Variants in ACOXL observed in about 807,000 individuals in gnomAD.
The protein encoded by ACOXL is acyl-coenzyme A oxidase-like protein.
ACOXL carries 70 observed loss-of-function variants against 71.9 expected under a neutral mutation model. The observed-to-expected ratio is 0.97, with a 90% CI of 0.80 to 1.19. The LOEUF (loss-of-function observed/expected upper bound fraction) is 1.19, where lower values mean the gene tolerates loss of function less well. ACOXL is among the 50% of genes most tolerant of loss of function. The probability of loss-of-function intolerance (pLI) is 0.00; values close to 1 mark genes in which losing one functional copy is unlikely to be tolerated. For synonymous variants in ACOXL, 253 were observed against 281.6 expected, an observed-to-expected ratio of 0.90 and a Z score of 1.02; for missense variants, 703 against 736.3, an observed-to-expected ratio of 0.95 and a Z score of 0.52.
chr2:110,985,417 A>G (rs2062887205), intron 12 of ACOXL, among the ~76,000 whole-genome samples: 1 of 152,206 alleles, frequency 6.6e-6, no homozygotes, highest in Non-Finnish European at 1.5e-5. Context: ...CTATCTAGAG[A>G]CGTAATTGCA....
intron 10 of ACOXL, among the ~76,000 whole-genome samples, chr2:110,907,323 C>A (rs2059490364): frequency 6.6e-6 from 1 of 152,202 alleles, no homozygotes; most frequent in African/African-American, 2.4e-5. Context: ...CCTGAAAGCC[C>A]TATCTCCAAA....
At chr2:110,955,927 C>T (rs1027332787) in intron 12 of ACOXL, among the ~76,000 whole-genome samples, 24 of 149,372 alleles carry the variant, frequency 1.6e-4, no homozygotes, top group African/African-American at 5.9e-4. Flanking sequence ...CTGGAACTTG[C>T]CACAGATTTT....
At chr2:110,818,423 A>ATG (rs766770172) in intron 9 of ACOXL, among the ~76,000 whole-genome samples, 166 of 137,692 alleles carry the variant, frequency 1.2e-3, no homozygotes, top group African/African-American at 3.1e-3. Flanking sequence ...ATATATATAT[A>ATG]TGTGTGTGTG....
At chr2:111,033,279 T>G (rs1343627082) in intron 15 of ACOXL, among the ~76,000 whole-genome samples, 3 of 152,230 alleles carry the variant, frequency 2.0e-5, no homozygotes, top group African/African-American at 4.8e-5. Flanking sequence ...ACATTTTTAA[T>G]GTATTGCCCA....
At chr2:110,778,069 G>A (rs893610116) in intron 2 of ACOXL, among the ~76,000 whole-genome samples, 1 of 152,216 alleles carries the variant, frequency 6.6e-6, no homozygotes, top group Non-Finnish European at 1.5e-5. Context: ...TGGCAGCAGC[G>A]GCCATGCCCA....
rs970131041 is a variant in ACOXL at position 110,827,049 on chromosome 2, G to T, written c.754-14322G>T. ...AGGGGACAAATACAGACTCCATGCA[G>T]CTTAATGTGCACAGACAACTGCATA... is the stretch of plus-strand genomic sequence containing the variant. On this transcript the variant is annotated intron_variant, in intron 9 of 17. Coordinates refer to ENST00000439055, the MANE Select transcript of ACOXL (RefSeq NM_001142807.4). 2.0e-5 allele frequency among the ~76,000 whole-genome samples: 3 copies of T among 152,258 alleles called. No homozygotes were observed. The East Asian group carries it at 5.8e-4, about 29-fold the overall frequency.
rs1248285871 is a variant in ACOXL, at chr2:110,836,925, C to T, written c.754-4446C>T. Among the ~76,000 whole-genome samples the T allele has an allele frequency of 3.3e-5, 5 of 152,180 alleles. 1 individual carries two copies. Among genetic ancestry groups the T allele is most frequent in the Admixed American group, 6.5e-5 (1 of 15,286 alleles). On this transcript the variant is annotated intron_variant, in intron 9 of 17. Coordinates refer to ENST00000439055, the MANE Select transcript of ACOXL (RefSeq NM_001142807.4). Reference sequence around the variant, plus strand: ...CAGGCGGGCGGCCTCCTCGCCAAATCCTGTTGACATGTTTTGTTTGGCTTG... The same window carrying T: ...CAGGCGGGCGGCCTCCTCGCCAAATTCTGTTGACATGTTTTGTTTGGCTTG...
chr2:111,115,917 T>C (rs577626879), intron 17 of ACOXL, among the ~76,000 whole-genome samples: 1 of 152,240 alleles, frequency 6.6e-6, no homozygotes, highest in Non-Finnish European at 1.5e-5. Context: ...TTTCTTTATA[T>C]TGAAATCTGC....
chr2:110,838,175 G>A (rs1690685656), intron 9 of ACOXL, among the ~76,000 whole-genome samples: 1 of 152,230 alleles, frequency 6.6e-6, no homozygotes, highest in Admixed American at 6.5e-5. Flanking sequence ...GCATATGCAT[G>A]CATGTATGCA....
intron 9 of ACOXL, among the ~76,000 whole-genome samples, chr2:110,811,657 C>G (rs934815882): frequency 3.3e-5 from 5 of 149,288 alleles, no homozygotes; most frequent in African/African-American, 1.2e-4. Context: ...GTTGTATGTG[C>G]TTGGAGGAGG....
At chr2:110,891,105 T>C (rs1214334598) in intron 10 of ACOXL, among the ~76,000 whole-genome samples, 2 of 152,188 alleles carry the variant, frequency 1.3e-5, no homozygotes, top group African/African-American at 4.8e-5. Flanking sequence ...CAATTAATTT[T>C]TGTATATTTA....
chr2:110,921,702 C>G (rs927295045), intron 11 of ACOXL, among the ~76,000 whole-genome samples: 6 of 152,070 alleles, frequency 3.9e-5, no homozygotes, highest in South Asian at 2.1e-4. Flanking sequence ...CTTCCACCCC[C>G]CTCTCTTAAG....
chr2:110,943,159 AAAG>A (rs1422976945), intron 12 of ACOXL, among the ~76,000 whole-genome samples: 2 of 109,170 alleles, frequency 1.8e-5, no homozygotes, highest in Non-Finnish European at 4.4e-5. Flanking sequence ...AGAGAAAGAA[AAAG>A]AAAAAGGGAG....
Position 110,801,704 on chromosome 2 carries a change from C to G in ACOXL, c.600C>G (p.Pro200=). Reference sequence around the variant, plus strand: ...TAATATTTGACAAGGTTCGGATACCCAGGGAGAACCTGCTGGATAAGTGAG... The same window carrying G: ...TAATATTTGACAAGGTTCGGATACCGAGGGAGAACCTGCTGGATAAGTGAG... The part of the protein sequence containing the change: ...GILIFDKVRI[P]RENLLDKFGS... The change falls in exon 8 of 18, where the codon CCC becomes CCG. Residue 200 remains proline, a synonymous_variant. Transcript: ENST00000439055. 1 of 1,614,042 alleles carries G rather than the reference C, an allele frequency of 6.2e-7. No individual in the cohort carries two copies. The highest frequency in any genetic ancestry group is 8.5e-7 in the Non-Finnish European group (1 of 1,179,942).
At chr2:110,981,372 G>C (rs1240567431) in intron 12 of ACOXL, among the ~76,000 whole-genome samples, 1 of 152,196 alleles carries the variant, frequency 6.6e-6, no homozygotes, top group Non-Finnish European at 1.5e-5. Flanking sequence ...CGTGGACTCT[G>C]GGTTGAAATC....
At chr2:111,058,955 G>A (rs774494305) in intron 16 of ACOXL, among the ~76,000 whole-genome samples, 25 of 152,126 alleles carry the variant, frequency 1.6e-4, no homozygotes, top group South Asian at 6.2e-4. Flanking sequence ...AAAATGACAG[G>A]ATGAGCCAGG....
chr2:111,102,272 C>G (rs893195087), intron 17 of ACOXL, among the ~76,000 whole-genome samples: 1 of 152,166 alleles, frequency 6.6e-6, no homozygotes, highest in African/African-American at 2.4e-5. Context: ...TTGGTTTCTT[C>G]AGTTTGGCCA....
chr2:111,067,045 A>T (rs761172558), intron 16 of ACOXL, among the ~76,000 whole-genome samples: 9 of 152,196 alleles, frequency 5.9e-5, no homozygotes, highest in Non-Finnish European at 1.3e-4. Flanking sequence ...GACAACAGAT[A>T]CTGCATCTTC....
chr2:111,082,420 A>G (rs1029836450), intron 16 of ACOXL, among the ~76,000 whole-genome samples: 18 of 152,232 alleles, frequency 1.2e-4, no homozygotes, highest in Admixed American at 4.6e-4. Flanking sequence ...AAACGTGAAA[A>G]AAAGCTCATC....
Sources: allele counts gnomAD v4.1 joint callset (sites outside exome capture counted in the v4.1 genomes callset), GRCh38; gene constraint gnomAD v4.1.1; transcripts MANE v1.5; gene names NCBI Gene and HGNC (gene_info 2026-07-23, HGNC 2026-07-21).